The following JPH1 variants were observed in gnomAD, a reference collection of about 807,000 sequenced individuals.
JPH1 encodes the protein junctophilin-1.
Under a neutral mutation model 53.6 loss-of-function variants are expected in JPH1, and 12 were observed. That is an observed-to-expected ratio of 0.22 (90% CI 0.14 to 0.36). The LOEUF (loss-of-function observed/expected upper bound fraction) is 0.36, where lower values mean the gene tolerates loss of function less well. JPH1 is among the 10% of genes least tolerant of loss of function. JPH1 has a pLI of 1.00. For synonymous variants in JPH1, 375 were observed against 363.8 expected (o/e 1.03, Z -0.35); for missense variants, 808 against 905.5 (o/e 0.89, Z 1.38).
intron 2 of JPH1, among the ~76,000 whole-genome samples, chr8:74,302,778 G>C (rs1807719938): frequency 6.6e-6 from 1 of 152,198 alleles, no homozygotes; most frequent in Non-Finnish European, 1.5e-5. Flanking sequence ...CAAAGGTACT[G>C]TGAACCTGGT....
intron 2 of JPH1, among the ~76,000 whole-genome samples, chr8:74,278,883 T>C (rs1199357207): frequency 6.6e-6 from 1 of 152,190 alleles, no homozygotes; most frequent in Non-Finnish European, 1.5e-5. Flanking sequence ...GGAAGTGGTA[T>C]TGCCAACATG....
chr8:74,270,404 G>T (rs1313771767), intron 2 of JPH1, among the ~76,000 whole-genome samples: 1 of 152,024 alleles, frequency 6.6e-6, no homozygotes, highest in Non-Finnish European at 1.5e-5. Flanking sequence ...CCTATTTTTA[G>T]CATTTGCTGT....
In JPH1 at chr8:74,315,573, C is replaced by T. The variant is rs1395214888; in HGVS notation, c.427G>A (p.Val143Met). ...ATGCCGTAGGGCACGCTCTGGCGCA[C>T]GCCGTAGCCATGCCGCATGCCTCCG... The part of the protein sequence containing the change: ...WAGGMRHGYG[V>M]RQSVPYGMAT... The change falls in exon 2 of 6, where the codon GTG (valine) becomes ATG (methionine). Residue 143 changes from valine (V) to methionine (M), a missense_variant. Val to Met is a conservative substitution (Grantham distance 21). Coordinates refer to ENST00000342232, the MANE Select transcript of JPH1 (RefSeq NM_020647.4). The surrounding 1 kb of genome is among the most constrained non-coding windows in gnomAD (Gnocchi z 6.3). 2.5e-6 allele frequency: 4 copies of T among 1,605,106 alleles called. No homozygotes were observed. The highest frequency in any genetic ancestry group is 2.5e-6 in the Non-Finnish European group (3 of 1,178,410).
Position 74,244,914 on chromosome 8 carries a change from G to A in JPH1, c.1520C>T (p.Thr507Met), listed in dbSNP as rs16938829. The change falls in exon 4 of 6, where the codon ACG becomes ATG. Residue 507 changes from threonine (T) to methionine (M), a missense_variant. Thr to Met is a moderately conservative substitution (Grantham distance 81). Transcript: ENST00000342232. ...DKRSVADEQV[T>M]AIVNKPLMSK... Reference sequence around the variant, plus strand: ...CATCAAGGGCTTATTGACAATGGCCGTCACCTGCTCATCAGCCACACTCCT... The same window carrying A: ...CATCAAGGGCTTATTGACAATGGCCATCACCTGCTCATCAGCCACACTCCT... The A allele has an allele frequency of 1.5e-3, 2,482 of 1,614,112 alleles. 6 individuals are homozygous for A. Among genetic ancestry groups the A allele is most frequent in the African/African-American group, 7.5e-3 (563 of 75,002 alleles).
chr8:74,318,039 CA>C (rs1469260049), intron 1 of JPH1, among the ~76,000 whole-genome samples: 1 of 152,066 alleles, frequency 6.6e-6, no homozygotes, highest in Non-Finnish European at 1.5e-5. Flanking sequence ...TGCTAGAAAC[CA>C]ATTTGCAGTC....
At position 74,245,190 on chromosome 8, in the gene JPH1, A is replaced by AG. The variant is rs1805822390; in HGVS notation, c.1259-16_1259-15insC. 2 of 1,544,210 alleles carry AG rather than the reference A, an allele frequency of 1.3e-6. No individual in the cohort carries two copies. Among genetic ancestry groups the AG allele is most frequent in the African/African-American group, 2.8e-5 (2 of 71,000 alleles). ...GTAATCAGGGCCTGGCCAAAAAAAA[A>AG]AGAAAAAAGAAAAAAAGAAAGGAGG... On this transcript the variant is annotated splice_polypyrimidine_tract_variant and intron_variant, in intron 3 of 5. Coordinates refer to ENST00000342232, the MANE Select transcript of JPH1 (RefSeq NM_020647.4).
chr8:74,315,256 A>G lies in JPH1; in HGVS notation c.744T>C (p.Ile248=). 1 of 1,614,182 alleles carries G rather than the reference A, an allele frequency of 6.2e-7. No homozygotes were observed. Among genetic ancestry groups the G allele is most frequent in the Non-Finnish European group, 8.5e-7 (1 of 1,180,038 alleles). Residue 248 remains isoleucine (I), a synonymous_variant, in exon 2 of 6, where the codon ATT becomes ATC. Transcript: ENST00000342232. The surrounding 1 kb of genome is among the most constrained non-coding windows in gnomAD (Gnocchi z 6.3). ...SVRSDAAMSR[I]SSSDANSTIS... is the part of the protein sequence containing the mutation. ...TCGTGGAGTTGGCATCGCTGGAACT[A>G]ATTCTGCTCATGGCCGCGTCGCTGC... is the stretch of plus-strand genomic sequence containing the variant.
Position 74,315,434 on chromosome 8 carries a change from G to C in JPH1, c.566C>G (p.Thr189Ser). ...AAAAADSPAG[T>S]RGGFVLNFHA... ...GAAGTTGAGCACGAAACCGCCGCGG[G>C]TGCCGGCCGGGCTGTCGGCGGCGGC... The change falls in exon 2 of 6, where the codon ACC becomes AGC. Residue 189 changes from threonine (T) to serine (S), a missense_variant. Around this residue, in one of 2 missense-constraint regions of JPH1, gnomAD observed 756 missense variants for 811.9 expected, o/e 0.93. Coordinates refer to ENST00000342232, the MANE Select transcript of JPH1 (RefSeq NM_020647.4). The surrounding 1 kb of genome is among the most constrained non-coding windows in gnomAD (Gnocchi z 6.3). 1.9e-6 allele frequency: 3 copies of C among 1,611,480 alleles called. No homozygotes were observed. Among genetic ancestry groups the C allele is most frequent in the Middle Eastern group, 1.7e-4 (1 of 6,054 alleles).
intron 2 of JPH1, among the ~76,000 whole-genome samples, chr8:74,276,017 A>G (rs1806837437): frequency 6.6e-6 from 1 of 152,214 alleles, no homozygotes. Flanking sequence ...AATATTATCA[A>G]CTAGAAGCAC....
intron 2 of JPH1, among the ~76,000 whole-genome samples, chr8:74,265,162 G>A (rs142737677): frequency 3.3e-4 from 51 of 152,244 alleles, no homozygotes; most frequent in African/African-American, 1.1e-3. Context: ...GGATTAATAA[G>A]CTCTTGTAAT....
At chr8:74,290,675 C>T (rs571244466) in intron 2 of JPH1, among the ~76,000 whole-genome samples, 61 of 152,314 alleles carry the variant, frequency 4.0e-4, no homozygotes, top group Non-Finnish European at 7.4e-4. Flanking sequence ...ATTGCCAAGA[C>T]AATCCTAAAC....
At chr8:74,264,716 A>G (rs1378149970) in intron 2 of JPH1, among the ~76,000 whole-genome samples, 1 of 152,210 alleles carries the variant, frequency 6.6e-6, no homozygotes, top group Non-Finnish European at 1.5e-5. Context: ...GTTAAACCAC[A>G]TTACTTCATT....
chr8:74,281,442 G>A (rs1807014539), intron 2 of JPH1, among the ~76,000 whole-genome samples: 1 of 152,336 alleles, frequency 6.6e-6, no homozygotes, highest in African/African-American at 2.4e-5. Flanking sequence ...TAAGTGGACA[G>A]ATGTGTCTAC....
Position 74,321,481 on chromosome 8 carries a change from T to TTCCTCCTCC in JPH1, c.-203_-195dup, listed in dbSNP as rs373541776. 3.9e-4 allele frequency: 194 copies of TTCCTCCTCC among 499,614 alleles called. No individual in the cohort carries two copies. The highest frequency in any genetic ancestry group is 1.1e-3 in the Admixed American group (26 of 22,688). 30.9% of individuals were successfully genotyped at this position (499,614 alleles called of 1,614,324 possible). A position where few individuals can be genotyped will look rare whatever the true frequency, so the allele number is the denominator to read the frequency against. ...CTCTTTTGCCGCCGCCACCGCCGCC[T>TTCCTCCTCC]TCCTCCTCCTCCTCCTCCTCCTTCG... On this transcript the variant is annotated 5_prime_UTR_variant, in exon 1 of 6. Coordinates refer to ENST00000342232, the MANE Select transcript of JPH1 (RefSeq NM_020647.4). This position sits in a 1 kb window ranked among gnomAD's most constrained non-coding sequence, Gnocchi z 4.3.
chr8:74,301,288 C>T (rs559603222), intron 2 of JPH1, among the ~76,000 whole-genome samples: 12 of 152,156 alleles, frequency 7.9e-5, no homozygotes, highest in Non-Finnish European at 8.8e-5. Context: ...TTCTCAAATG[C>T]CTTTGAAGAC....
intron 2 of JPH1, among the ~76,000 whole-genome samples, chr8:74,300,937 C>T (rs1295690555): frequency 6.6e-6 from 1 of 152,136 alleles, no homozygotes; most frequent in Non-Finnish European, 1.5e-5. Flanking sequence ...ACTGGCCCCC[C>T]GCCCCATTTC....
chr8:74,314,708 T>G (rs928133716), intron 2 of JPH1, among the ~76,000 whole-genome samples, 153 bp downstream of exon 2: 13 of 152,236 alleles, frequency 8.5e-5, no homozygotes, highest in African/African-American at 3.1e-4. Flanking sequence ...ATTTCTGACT[T>G]TGATTCTACT....
chr8:74,290,053 G>A (rs1052997529), intron 2 of JPH1, among the ~76,000 whole-genome samples: 4 of 152,276 alleles, frequency 2.6e-5, no homozygotes, highest in Admixed American at 2.0e-4. Flanking sequence ...TACTGAATGG[G>A]CAAAAACTGG....
rs1243433881 is a variant in JPH1, at chr8:74,287,189, T to C, written c.1139+27672A>G. On this transcript the variant is annotated intron_variant, in intron 2 of 5. Transcript: ENST00000342232. Reference sequence around the variant, plus strand: ...GCTCACACCTGTAATCCCAGCACTTTGGGAGGCTGAGGCGGGTGGATCACC... The same window carrying C: ...GCTCACACCTGTAATCCCAGCACTTCGGGAGGCTGAGGCGGGTGGATCACC... 2.6e-5 allele frequency among the ~76,000 whole-genome samples: 4 copies of C among 152,152 alleles called. No homozygotes were observed. In the East Asian group the frequency reaches 7.7e-4, roughly 29 times the overall value.
Sources: allele counts gnomAD v4.1 joint callset (sites outside exome capture counted in the v4.1 genomes callset), GRCh38; gene constraint gnomAD v4.1.1; regional missense constraint gnomAD v4.1.1; non-coding constraint Gnocchi (gnomAD v3.1); transcripts MANE v1.5; gene names NCBI Gene and HGNC (gene_info 2026-07-23, HGNC 2026-07-21).